Variants in CPSF6 observed in about 807,000 individuals in gnomAD.
CPSF6 encodes cleavage and polyadenylation specificity factor subunit 6.
A neutral mutation model predicts 56.7 loss-of-function variants in CPSF6; 10 were observed. That is an observed-to-expected ratio of 0.18 (90% CI 0.11 to 0.30). CPSF6 has a LOEUF of 0.30. CPSF6 is among the 10% of genes least tolerant of loss of function. The probability of loss-of-function intolerance (pLI) is 1.00; values close to 1 mark genes in which losing one functional copy is unlikely to be tolerated. For synonymous variants in CPSF6, 248 were observed against 244.8 expected (o/e 1.01, Z -0.12); for missense variants, 419 against 722.9 (o/e 0.58, Z 4.82).
At chr12:69,240,129 C>G (rs887431936) in intron 1 of CPSF6, among the ~76,000 whole-genome samples, 1 of 150,774 alleles carries the variant, frequency 6.6e-6, no homozygotes, top group Non-Finnish European at 1.5e-5. Flanking sequence ...TGGCGGGGCG[C>G]GTGCCCGCCG....
chr12:69,256,003 A>T (rs1025079332), intron 3 of CPSF6, among the ~76,000 whole-genome samples: 1 of 152,204 alleles, frequency 6.6e-6, no homozygotes, highest in African/African-American at 2.4e-5. Context: ...TGATGGATAC[A>T]TTTCTTTTAA....
rs1226026150 is a variant in CPSF6 at position 69,270,950 on chromosome 12, A to G, written c.*1442A>G. ...TCTGTTAATACACATTGGTTGTTAA[A>G]GAGTACCCAAATTCTAGGACAATGC... On this transcript the variant is annotated 3_prime_UTR_variant, in exon 10 of 10. Coordinates refer to ENST00000435070, the MANE Select transcript of CPSF6 (RefSeq NM_007007.3). 2 of 151,776 alleles carry G rather than the reference A, an allele frequency of 1.3e-5. No individual in the cohort carries two copies. The highest frequency in any genetic ancestry group is 3.0e-5 in the Non-Finnish European group (2 of 67,674). The allele number at this position is 151,776 out of a possible 1,614,324, so 9.4% of individuals were successfully genotyped here. A position where few individuals can be genotyped will look rare whatever the true frequency, so the allele number is the denominator to read the frequency against.
intron 1 of CPSF6, among the ~76,000 whole-genome samples, chr12:69,245,780 A>AT (rs750788367): frequency 2.1e-4 from 32 of 152,292 alleles, no homozygotes; most frequent in Non-Finnish European, 3.1e-4. Context: ...TAATCTGACC[A>AT]CCCAGCTTTA....
rs1266899720 is a variant in CPSF6 at position 69,260,122 on chromosome 12, G to A, written c.1394G>A (p.Arg465His). ...CAATCCAAAGTATCTGCTGATGATC[G>A]TTGCAAAGTTCTTATTAGTTCTTTG... ...IKQSKVSADD[R>H]CKVLISSLQD... The change falls in exon 8 of 10, where the codon CGT (arginine) becomes CAT (histidine). Residue 465 changes from arginine (R) to histidine (H), a missense_variant. Arg to His is a conservative substitution (Grantham distance 29, BLOSUM62 0). Around this residue, in one of 4 missense-constraint regions of CPSF6, gnomAD observed 81 missense variants for 193.6 expected, o/e 0.42. Transcript: ENST00000435070. 6.2e-6 allele frequency: 10 copies of A among 1,613,168 alleles called. No individual in the cohort carries two copies. The highest frequency in any genetic ancestry group is 2.2e-5 in the South Asian group (2 of 90,986).
At chr12:69,269,293 TAAG>T (rs1373893129) in intron 9 of CPSF6, among the ~76,000 whole-genome samples, 1 of 151,920 alleles carries the variant, frequency 6.6e-6, no homozygotes, top group African/African-American at 2.4e-5. Flanking sequence ...CAATAATATT[TAAG>T]AAGAATGAAA....
At chr12:69,269,375 C>T in intron 9 of CPSF6, 137 bp from the exon 10 acceptor site, 1 of 287,848 alleles carries the variant, frequency 3.5e-6, no homozygotes, top group Non-Finnish European at 7.1e-6. Context: ...GCTACTGTTT[C>T]AGTTAATTCT....
intron 1 of CPSF6, among the ~76,000 whole-genome samples, chr12:69,245,509 C>G (rs969552453): frequency 3.3e-5 from 5 of 152,192 alleles, no homozygotes. Flanking sequence ...GGTCTTGGAA[C>G]ATATCCCTCT....
Position 69,271,668 on chromosome 12 carries a change from G to A in CPSF6, c.*2160G>A, listed in dbSNP as rs1250908810. 6.6e-6 allele frequency: 1 copy of A among 151,626 alleles called. No individual in the cohort carries two copies. Among genetic ancestry groups the A allele is most frequent in the Non-Finnish European group, 1.5e-5 (1 of 67,642 alleles). 9.4% of individuals were successfully genotyped at this position (151,626 alleles called of 1,614,324 possible). Reference sequence around the variant, plus strand: ...TTGCTGCTAATCCGTTATTTTAAGTGTTGTCAGAAGGAAATAACTTCTTGG... The same window carrying A: ...TTGCTGCTAATCCGTTATTTTAAGTATTGTCAGAAGGAAATAACTTCTTGG... On this transcript the variant is annotated 3_prime_UTR_variant, in exon 10 of 10. Transcript: ENST00000435070.
At chr12:69,261,935 A>G (rs1325323002) in intron 8 of CPSF6, among the ~76,000 whole-genome samples, 2 of 152,120 alleles carry the variant, frequency 1.3e-5, no homozygotes, top group Non-Finnish European at 2.9e-5. Flanking sequence ...CATGAACCAT[A>G]TGTTAAGAGG....
intron 3 of CPSF6, chr12:69,254,960 T>C (rs1412114665): frequency 4.6e-5 from 7 of 152,348 alleles, no homozygotes; most frequent in Middle Eastern, 3.4e-3. Flanking sequence ...TAATTTATTA[T>C]ATTTATGAAG....
chr12:69,242,612 AC>A, intron 1 of CPSF6, among the ~76,000 whole-genome samples: 1 of 152,256 alleles, frequency 6.6e-6, no homozygotes, highest in African/African-American at 2.4e-5. Context: ...TTTGGATGTC[AC>A]CAAGCTGAGA....
chr12:69,252,606 A>G (rs1872305955), intron 2 of CPSF6, among the ~76,000 whole-genome samples: 1 of 152,174 alleles, frequency 6.6e-6, no homozygotes, highest in African/African-American at 2.4e-5. Context: ...TATGGTTGTT[A>G]TAAGAGTTAG....
At chr12:69,242,131 T>C (rs1232366009) in intron 1 of CPSF6, among the ~76,000 whole-genome samples, 2 of 152,302 alleles carry the variant, frequency 1.3e-5, no homozygotes, top group South Asian at 2.1e-4. Context: ...ACTCTTGTTT[T>C]ATTGTCGTTG....
chr12:69,243,751 T>C (rs1313331154), intron 1 of CPSF6, among the ~76,000 whole-genome samples: 2 of 152,222 alleles, frequency 1.3e-5, no homozygotes, highest in East Asian at 1.9e-4. Flanking sequence ...GACATGCTGC[T>C]GTAGACTTCA....
At chr12:69,259,385 A>C (rs2120576200) in intron 6 of CPSF6, 43 bp from the exon 7 acceptor site, 1 of 1,591,294 alleles carries the variant, frequency 6.3e-7, no homozygotes, top group South Asian at 1.2e-5. Flanking sequence ...TAACTGAGGA[A>C]ATCTGTTGAG....
At chr12:69,244,352 CA>C (rs1871779553) in intron 1 of CPSF6, among the ~76,000 whole-genome samples, 1 of 151,924 alleles carries the variant, frequency 6.6e-6, no homozygotes, top group African/African-American at 2.4e-5. Flanking sequence ...TCTCCTGCCT[CA>C]GCTGGGATTA....
chr12:69,245,196 A>G (rs957722355), intron 1 of CPSF6, among the ~76,000 whole-genome samples: 5 of 152,122 alleles, frequency 3.3e-5, no homozygotes, highest in African/African-American at 1.2e-4. Context: ...TGTACTGTAC[A>G]TAATTGTATG....
rs993951978 is a variant in CPSF6, at chr12:69,271,207, G to C, written c.*1699G>C. The C allele has an allele frequency of 6.6e-6, 1 of 152,164 alleles. No homozygotes were observed. Among genetic ancestry groups the C allele is most frequent in the Non-Finnish European group, 1.5e-5 (1 of 67,682 alleles). The allele number at this position is 152,164 out of a possible 1,614,324, so 9.4% of individuals were successfully genotyped here. A position where few individuals can be genotyped will look rare whatever the true frequency, so the allele number is the denominator to read the frequency against. ...ATCAGAACTGTTCACTTTCAGAAAT[G>C]ATTTTTTAAAGCATTTTGTTGAAAA... On this transcript the variant is annotated 3_prime_UTR_variant, in exon 10 of 10. Transcript: ENST00000435070.
chr12:69,254,185 A>T (rs542356312), intron 3 of CPSF6, among the ~76,000 whole-genome samples: 209 of 111,954 alleles, frequency 1.9e-3, no homozygotes, highest in African/African-American at 6.6e-3. Context: ...AGAAGTTCTA[A>T]AAAAAAAATG....
Sources: gnomAD v4.1 joint callset for allele counts (sites outside exome capture counted in the v4.1 genomes callset) on GRCh38, gnomAD v4.1.1 for gene constraint, gnomAD v4.1.1 regional missense constraint, MANE v1.5 for transcripts, NCBI Gene and HGNC (gene_info 2026-07-23, HGNC 2026-07-21) for gene names.